Variants in METAP1D observed in about 807,000 individuals in gnomAD.
The protein encoded by METAP1D is methionine aminopeptidase 1D, mitochondrial.
A neutral mutation model predicts 40.5 loss-of-function variants in METAP1D; 31 were observed. The observed-to-expected ratio is 0.77, with a 90% CI of 0.58 to 1.03. The LOEUF (loss-of-function observed/expected upper bound fraction) is 1.03, where lower values mean the gene tolerates loss of function less well. Among genes scored for constraint, METAP1D ranks in the 50% least tolerant of loss-of-function variants. The pLI is 0.00. For synonymous variants in METAP1D, 151 were observed against 146.4 expected (o/e 1.03, Z -0.22); for missense variants, 411 against 420.7 (o/e 0.98, Z 0.20).
chr2:172,074,047 G>A (rs1307882100), intron 6 of METAP1D, among the ~76,000 whole-genome samples: 1 of 152,086 alleles, frequency 6.6e-6, no homozygotes, highest in Non-Finnish European at 1.5e-5. Context: ...GCTTTTGTGA[G>A]GAATGTCTAG....
chr2:172,006,169 A>C (rs957159599), intron 1 of METAP1D, among the ~76,000 whole-genome samples: 3 of 141,394 alleles, frequency 2.1e-5, no homozygotes, highest in Non-Finnish European at 4.5e-5. Flanking sequence ...ACATACAAGC[A>C]GATATTTATA....
In METAP1D at chr2:172,043,112, TATA is replaced by T. The variant is rs1201532077; in HGVS notation, c.41-18385_41-18383del. On this transcript the variant is annotated intron_variant, in intron 1 of 9. Coordinates refer to ENST00000315796, the MANE Select transcript of METAP1D (RefSeq NM_199227.3). ...ATTTACATACATATATATATATATATATATATTTTTTGGGATACAGGATCTCAC... is the reference window on the plus strand; with the variant it reads ...ATTTACATACATATATATATATATATTATTTTTTGGGATACAGGATCTCAC... 2.9e-3 allele frequency among the ~76,000 whole-genome samples: 157 copies of T among 54,242 alleles called. 34 individuals carry two copies. The highest frequency in any genetic ancestry group is 4.3e-3 in the Non-Finnish European group (121 of 27,944). The allele number at this position is 54,242 out of a possible 152,430, so 35.6% of individuals were successfully genotyped here.
At chr2:172,039,466 A>G (rs1041766828) in intron 1 of METAP1D, among the ~76,000 whole-genome samples, 1 of 152,194 alleles carries the variant, frequency 6.6e-6, no homozygotes, top group Non-Finnish European at 1.5e-5. Context: ...TACAGTTTCC[A>G]ACATCAAGAA....
Position 172,065,739 on chromosome 2 carries a change from G to A in METAP1D, c.484G>A (p.Gly162Ser), listed in dbSNP as rs748697785. ...CTCTGTAAACAACGTGCTCTGTCAT[G>A]GTATTCCTGACAGGTATTCAGTTCT... ...CTSVNNVLCH[G>S]IPDSRPLQDG... The change falls in exon 4 of 10, where the codon GGT becomes AGT. Residue 162 changes from glycine to serine, a missense_variant. Coordinates refer to ENST00000315796, the MANE Select transcript of METAP1D (RefSeq NM_199227.3). 3.7e-6 allele frequency: 6 copies of A among 1,613,498 alleles called. No individual in the cohort carries two copies. In the African/African-American group the frequency reaches 8.0e-5, roughly 22 times the overall value.
intron 1 of METAP1D, among the ~76,000 whole-genome samples, chr2:172,041,767 T>TATATATATATATATA (rs1689538431): frequency 2.4e-5 from 2 of 83,666 alleles, no homozygotes; most frequent in African/African-American, 3.6e-5. Context: ...TATATATATA[T>TATATATATATATATA]TTCATCCCCC....
intron 1 of METAP1D, among the ~76,000 whole-genome samples, chr2:172,036,384 C>A (rs969926408): frequency 1.1e-4 from 16 of 150,124 alleles, no homozygotes; most frequent in African/African-American, 3.4e-4. Context: ...TTGTTTCCAC[C>A]TTTTTCTTTT....
chr2:172,035,332 C>G (rs949416905), intron 1 of METAP1D, among the ~76,000 whole-genome samples: 2 of 151,898 alleles, frequency 1.3e-5, no homozygotes, highest in Non-Finnish European at 2.9e-5. Flanking sequence ...GCCCGGCTAA[C>G]TTTTTGTATT....
chr2:172,027,187 C>T (rs1689137135), intron 1 of METAP1D, among the ~76,000 whole-genome samples: 1 of 152,212 alleles, frequency 6.6e-6, no homozygotes, highest in South Asian at 2.1e-4. Context: ...CACACAAAAC[C>T]ATATGCCTCT....
At chr2:172,004,764 A>G (rs915524960) in intron 1 of METAP1D, among the ~76,000 whole-genome samples, 1 of 152,230 alleles carries the variant, frequency 6.6e-6, no homozygotes, top group South Asian at 2.1e-4. Context: ...GTTTTGCCGT[A>G]TGACATCTTT....
intron 1 of METAP1D, 55 bp downstream of exon 1, chr2:172,000,064 G>T: frequency 7.9e-7 from 1 of 1,262,488 alleles, no homozygotes; most frequent in Non-Finnish European, 1.0e-6. Flanking sequence ...CACTAGGTAC[G>T]CACCCGGGTC....
chr2:172,033,417 G>C (rs1222495040), intron 1 of METAP1D, among the ~76,000 whole-genome samples: 1 of 151,066 alleles, frequency 6.6e-6, no homozygotes, highest in Non-Finnish European at 1.5e-5. Context: ...GCAGTGGTGC[G>C]ATCTTGGCTC....
chr2:172,016,795 C>T lies in METAP1D; in HGVS notation c.40+16786C>T, dbSNP rs915967540. Reference sequence around the variant, plus strand: ...TCATCCCTTCACTCTGGTCTCCAGTCCTTCCACTCCTGTCCACTGGCCTGC... The same window carrying T: ...TCATCCCTTCACTCTGGTCTCCAGTTCTTCCACTCCTGTCCACTGGCCTGC... On this transcript the variant is annotated intron_variant, in intron 1 of 9. Coordinates refer to ENST00000315796, the MANE Select transcript of METAP1D (RefSeq NM_199227.3). Among the ~76,000 whole-genome samples the T allele has an allele frequency of 2.6e-5, 4 of 152,096 alleles. No individual in the cohort carries two copies. In the East Asian group the frequency reaches 7.7e-4, roughly 29 times the overall value.
intron 1 of METAP1D, among the ~76,000 whole-genome samples, chr2:172,042,889 A>G (rs1329464354): frequency 7.9e-6 from 1 of 126,694 alleles, no homozygotes; most frequent in African/African-American, 2.6e-5. Flanking sequence ...AAATATGTAC[A>G]TATATGTGTA....
chr2:172,068,385 C>A (rs1200387068), intron 5 of METAP1D, among the ~76,000 whole-genome samples: 2 of 151,938 alleles, frequency 1.3e-5, no homozygotes, highest in African/African-American at 4.8e-5. Context: ...CAGAGCGAGA[C>A]TCTGTCTCAA....
chr2:172,070,387 G>A (rs764588674), intron 5 of METAP1D, among the ~76,000 whole-genome samples: 1 of 152,112 alleles, frequency 6.6e-6, no homozygotes, highest in African/African-American at 2.4e-5. Context: ...TCTTAGAACT[G>A]AATTCTCCTA....
rs1296544111 is a variant in METAP1D, at chr2:172,077,828, TG to T, written c.737del (p.Cys246PhefsTer9). The T allele has an allele frequency of 6.2e-7, 1 of 1,611,648 alleles. No homozygotes were observed. Among genetic ancestry groups the T allele is most frequent in the Admixed American group, 1.7e-5 (1 of 59,844 alleles). The stretch of plus-strand genomic sequence containing the variant: ...AACTCATCAGAATGGTTTTCAAGTC[TG>T]TCCACATTTTGTGGGACATGGAATA... Reference protein sequence around the residue: ...HITHQNGFQVCPHFVGHGIGS... With the variant: ...HITHQNGFQVXPHFVGHGIGS... On this transcript the variant is annotated frameshift_variant, in exon 7 of 10. Transcript: ENST00000315796. LOFTEE classifies it high-confidence loss of function.
chr2:172,039,078 A>C (rs1689457227), intron 1 of METAP1D, among the ~76,000 whole-genome samples: 1 of 152,154 alleles, frequency 6.6e-6, no homozygotes, highest in Admixed American at 6.5e-5. Context: ...TGAGATGCCT[A>C]CCTAAGGAGG....
intron 1 of METAP1D, among the ~76,000 whole-genome samples, chr2:172,034,558 A>G (rs1689326190): frequency 6.6e-6 from 1 of 152,190 alleles, no homozygotes; most frequent in African/African-American, 2.4e-5. Flanking sequence ...TGCCACAAAT[A>G]TATCAACTGT....
At position 172,044,062 on chromosome 2, in the gene METAP1D, C is replaced by T. The variant is rs112972353; in HGVS notation, c.41-17436C>T. The stretch of plus-strand genomic sequence containing the variant: ...GGGCTATGATTGCACCACTGCACTT[C>T]GTCTGGGTGACAGAGCAAGACCCTG... On this transcript the variant is annotated intron_variant, in intron 1 of 9. Coordinates refer to ENST00000315796, the MANE Select transcript of METAP1D (RefSeq NM_199227.3). Among the ~76,000 whole-genome samples the T allele has an allele frequency of 3.7e-5, 5 of 134,442 alleles. 1 individual carries two copies. The highest frequency in any genetic ancestry group is 2.4e-4 in the South Asian group (1 of 4,180). 88.2% of individuals were successfully genotyped at this position (134,442 alleles called of 152,430 possible).
Sources: gnomAD v4.1 joint callset for allele counts (sites outside exome capture counted in the v4.1 genomes callset) on GRCh38, gnomAD v4.1.1 for gene constraint, MANE v1.5 for transcripts, NCBI Gene and HGNC (gene_info 2026-07-23, HGNC 2026-07-21) for gene names.